The following PRSS23 variants were observed in gnomAD, a reference collection of about 807,000 sequenced individuals.
PRSS23 encodes the protein serine protease 23, also known as protease, serine 23.
PRSS23 carries 25 observed loss-of-function variants against 34.7 expected under a neutral mutation model. That is an observed-to-expected ratio of 0.72 (90% CI 0.53 to 1.01). The LOEUF is 1.01. PRSS23 is among the 50% of genes least tolerant of loss of function. The probability of loss-of-function intolerance (pLI) is 0.00; values close to 1 mark genes in which losing one functional copy is unlikely to be tolerated. For synonymous variants in PRSS23, 176 were observed against 186.6 expected (o/e 0.94, Z 0.46); for missense variants, 445 against 475.6 (o/e 0.94, Z 0.60).
chr11:86,936,498 C>T (rs1265023512), intron 2 of PRSS23: 2 of 152,192 alleles, frequency 1.3e-5, no homozygotes, highest in Non-Finnish European at 2.9e-5. Context: ...AACTCCCGAC[C>T]TCAGGTGATC....
exon 3 of PRSS23, chr11:86,951,427 C>T (rs777994800): frequency 6.2e-7 from 1 of 1,612,604 alleles, no homozygotes; most frequent in Non-Finnish European, 8.5e-7. Context: ...GAACTGTGTA[C>T]AGTACTGAGA....
Position 86,810,742 on chromosome 11 carries a change from T to C in PRSS23, c.*1947T>C, listed in dbSNP as rs1259942448. 1.2e-5 allele frequency: 2 copies of C among 167,084 alleles called. No homozygotes were observed. The highest frequency in any genetic ancestry group is 3.8e-4 in the East Asian group (2 of 5,204). The allele number at this position is 167,084 out of a possible 1,614,324, so 10.4% of individuals were successfully genotyped here. A position where few individuals can be genotyped will look rare whatever the true frequency, so the allele number is the denominator to read the frequency against. On this transcript the variant is annotated 3_prime_UTR_variant, in exon 2 of 2. Coordinates refer to ENST00000280258, the MANE Select transcript of PRSS23 (RefSeq NM_007173.6). Reference sequence around the variant, plus strand: ...TGGCACAAAGTCAAAATGAAATCAATGTTTAGTTCACAAGTAGATGTAATT... The same window carrying C: ...TGGCACAAAGTCAAAATGAAATCAACGTTTAGTTCACAAGTAGATGTAATT...
chr11:86,914,054 A>AC (rs1948996623), intron 2 of PRSS23, among the ~76,000 whole-genome samples: 1 of 151,150 alleles, frequency 6.6e-6, no homozygotes, highest in Non-Finnish European at 1.5e-5. Flanking sequence ...AAAAAAAAAA[A>AC]AAAAAAACCT....
intron 2 of PRSS23, chr11:86,833,381 G>A (rs984171955): frequency 4.2e-6 from 3 of 706,080 alleles, no homozygotes; most frequent in Non-Finnish European, 7.7e-6. Context: ...AGCCCAGCGA[G>A]GGCCAGCTGC....
intron 2 of PRSS23, chr11:86,832,970 A>G (rs1334965755): frequency 2.6e-6 from 1 of 386,688 alleles, no homozygotes; most frequent in Non-Finnish European, 4.9e-6. Context: ...TTGTAAGGCA[A>G]TCAAATTGTG....
chr11:86,916,429 G>T (rs892514338), intron 2 of PRSS23, among the ~76,000 whole-genome samples: 3 of 152,122 alleles, frequency 2.0e-5, no homozygotes, highest in Non-Finnish European at 4.4e-5. Context: ...TGGGAAAATG[G>T]CAACAATCCA....
At chr11:86,812,374 G>A (rs530075089), downstream of PRSS23, among the ~76,000 whole-genome samples, 15 of 152,312 alleles carry the variant, frequency 9.8e-5, no homozygotes, top group Admixed American at 7.8e-4. Flanking sequence ...CTTTTGATGG[G>A]GTGGGGTCAT....
chr11:86,866,665 A>G (rs1008074052), intron 2 of PRSS23, among the ~76,000 whole-genome samples: 1 of 152,200 alleles, frequency 6.6e-6, no homozygotes, highest in African/African-American at 2.4e-5. Flanking sequence ...TAATGTTGAA[A>G]TTTGATCCCA....
At chr11:86,823,035 G>A (rs547466654) in intron 1 of PRSS23, among the ~76,000 whole-genome samples, 1 of 152,298 alleles carries the variant, frequency 6.6e-6, no homozygotes, top group South Asian at 2.1e-4. Context: ...TGCCTCCAGG[G>A]ATCAAGTACC....
At position 86,877,467 on chromosome 11, in the gene PRSS23, T is replaced by C. The variant is rs529629728; in HGVS notation, c.206+53874T>C. 1.5e-4 allele frequency among the ~76,000 whole-genome samples: 23 copies of C among 152,364 alleles called. No homozygotes were observed. The South Asian group carries it at 4.8e-3, about 32-fold the overall frequency. ...ATTTTAAACAGAATTTTTATTAACA[T>C]ATTTTTATTGAGGCTTTTTCTATTT... On this transcript the variant is annotated intron_variant, in intron 2 of 2. Coordinates refer to the PRSS23 transcript ENST00000533902.
intron 2 of PRSS23, chr11:86,857,567 A>G: frequency 2.1e-6 from 1 of 481,334 alleles, no homozygotes; most frequent in Non-Finnish European, 4.2e-6. Flanking sequence ...GAAAAAGGAC[A>G]CCAAAACTAA....
intron 2 of PRSS23, among the ~76,000 whole-genome samples, chr11:86,889,547 A>G (rs1948827243): frequency 6.6e-6 from 1 of 152,166 alleles, no homozygotes; most frequent in African/African-American, 2.4e-5. Flanking sequence ...AAGGGACTGA[A>G]TGCACTCCAT....
chr11:86,942,255 C>T (rs879353875), intron 2 of PRSS23, among the ~76,000 whole-genome samples: 4 of 152,180 alleles, frequency 2.6e-5, no homozygotes, highest in Admixed American at 2.6e-4. Flanking sequence ...TTAAAAAGGA[C>T]AGACATAACC....
At chr11:86,821,768 G>T in intron 1 of PRSS23, 1 of 1,203,556 alleles carries the variant, frequency 8.3e-7, no homozygotes, top group Non-Finnish European at 1.2e-6. Flanking sequence ...TAAAAATCCT[G>T]TGCCCAGCCC....
rs116931262 is a variant in PRSS23 at position 86,817,296 on chromosome 11, T to C, written c.-11-6081T>C. 6.6e-5 allele frequency among the ~76,000 whole-genome samples: 10 copies of C among 152,334 alleles called. No individual in the cohort carries two copies. The East Asian group carries it at 1.9e-3, about 29-fold the overall frequency. On this transcript the variant is annotated intron_variant, in intron 1 of 2. Coordinates refer to the PRSS23 transcript ENST00000533902. ...TTTTAGATACTGTTTTAAAAACTCT[T>C]TCTTTTGAAATGTGTCAATCTGTCC...
At chr11:86,867,699 G>A (rs1009946977) in intron 2 of PRSS23, among the ~76,000 whole-genome samples, 5 of 151,958 alleles carry the variant, frequency 3.3e-5, no homozygotes, top group Non-Finnish European at 7.4e-5. Context: ...GGGCAACATA[G>A]TGAGACCCTG....
At chr11:86,889,437 G>T (rs192721701) in intron 2 of PRSS23, among the ~76,000 whole-genome samples, 2 of 152,326 alleles carry the variant, frequency 1.3e-5, no homozygotes, top group African/African-American at 4.8e-5. Flanking sequence ...TTGGTGTCTT[G>T]CAAGAATGTG....
chr11:86,809,097 T>A lies in PRSS23; in HGVS notation c.*302T>A. 2 of 265,290 alleles carry A rather than the reference T, an allele frequency of 7.5e-6. No homozygotes were observed. Among genetic ancestry groups the A allele is most frequent in the Non-Finnish European group, 1.5e-5 (2 of 132,028 alleles). 16.4% of individuals were successfully genotyped at this position (265,290 alleles called of 1,614,324 possible). A position where few individuals can be genotyped will look rare whatever the true frequency, so the allele number is the denominator to read the frequency against. On this transcript the variant is annotated 3_prime_UTR_variant, in exon 2 of 2. Transcript: ENST00000280258. ...TTTGACAATTAAGTTAATCTTCACG[T>A]TTTTGCAAACTTTGATTTTTATTTC... is the stretch of plus-strand genomic sequence containing the variant.
chr11:86,819,053 G>C (rs1218725101), intron 1 of PRSS23, among the ~76,000 whole-genome samples: 1 of 152,174 alleles, frequency 6.6e-6, no homozygotes, highest in Non-Finnish European at 1.5e-5. Context: ...AATGCTGAAT[G>C]CTGCTGGGCG....
Sources: allele counts gnomAD v4.1 joint callset (sites outside exome capture counted in the v4.1 genomes callset), GRCh38; gene constraint gnomAD v4.1.1; transcripts MANE v1.5; gene names NCBI Gene and HGNC (gene_info 2026-07-23, HGNC 2026-07-21).